C1orf105: variants seen among roughly 807,000 people sequenced by gnomAD.
C1orf105 encodes the protein uncharacterized protein C1orf105.
In C1orf105, 17 loss-of-function variants were observed where a neutral mutation model predicts 20.8. The observed-to-expected ratio is 0.82, with a 90% CI of 0.56 to 1.23. The LOEUF is 1.23. Ranked by LOEUF, C1orf105 falls within the 50% of genes most tolerant of loss-of-function variation. C1orf105 has a pLI of 0.00. For missense variants in C1orf105, 219 were observed against 213.5 expected, an observed-to-expected ratio of 1.03 and a Z score of -0.16; for synonymous variants, 72 against 72.1, an observed-to-expected ratio of 1.00 and a Z score of 0.01.
chr1:172,466,998 A>G (rs1573899908), intron 6 of C1orf105, among the ~76,000 whole-genome samples: 2 of 152,328 alleles, frequency 1.3e-5, no homozygotes, highest in Admixed American at 1.3e-4. Flanking sequence ...AGACCTCGGT[A>G]GGAATCCTAG....
intron 3 of C1orf105, among the ~76,000 whole-genome samples, chr1:172,451,571 A>G (rs146743290): frequency 6.6e-6 from 1 of 152,236 alleles, no homozygotes; most frequent in Admixed American, 6.5e-5. Context: ...ATGTTGATCT[A>G]GTGCATATAA....
intron 1 of C1orf105, chr1:172,442,362 C>T: frequency 6.2e-7 from 1 of 1,613,256 alleles, no homozygotes; most frequent in Non-Finnish European, 8.5e-7. Flanking sequence ...CCAGACCAGT[C>T]CCTAAAAGCC....
chr1:172,442,381 G>C (rs776080992), intron 1 of C1orf105: 1 of 1,613,350 alleles, frequency 6.2e-7, no homozygotes. Flanking sequence ...CCAATGGGGG[G>C]CCAGAAGACC....
At chr1:172,468,274 T>C (rs1400020752) in intron 6 of C1orf105, among the ~76,000 whole-genome samples, 175 bp from the exon 7 acceptor site, 1 of 152,244 alleles carries the variant, frequency 6.6e-6, no homozygotes, top group Non-Finnish European at 1.5e-5. Flanking sequence ...AGTTTTTTGT[T>C]CCATTTTCTT....
chr1:172,463,008 CT>C (rs1233115943), intron 5 of C1orf105, among the ~76,000 whole-genome samples: 1 of 152,152 alleles, frequency 6.6e-6, no homozygotes, highest in African/African-American at 2.4e-5. Flanking sequence ...AACTCCCCAC[CT>C]CTGGTGATCT....
chr1:172,460,124 GGTT>G (rs1050297173), intron 4 of C1orf105, among the ~76,000 whole-genome samples: 4 of 151,972 alleles, frequency 2.6e-5, no homozygotes, highest in African/African-American at 9.7e-5. Context: ...AAACAATGGT[GGTT>G]GTTTTACAAC....
intron 2 of C1orf105, among the ~76,000 whole-genome samples, chr1:172,447,896 G>A (rs369581110): frequency 2.0e-5 from 3 of 152,208 alleles, no homozygotes; most frequent in Non-Finnish European, 2.9e-5. Context: ...GAGACAGAGC[G>A]CAGGCAGGTC....
intron 1 of C1orf105, among the ~76,000 whole-genome samples, chr1:172,436,839 C>T (rs1250303920): frequency 6.6e-6 from 1 of 152,020 alleles, no homozygotes; most frequent in East Asian, 1.9e-4. Context: ...TGCAATCTAC[C>T]CATCTGACAG....
intron 1 of C1orf105, among the ~76,000 whole-genome samples, chr1:172,425,110 A>G (rs1427504434): frequency 6.6e-6 from 1 of 152,222 alleles, no homozygotes; most frequent in Admixed American, 6.5e-5. Flanking sequence ...AGGACAGAAG[A>G]CCTTAGGATC....
intron 5 of C1orf105, 65 bp from the exon 6 acceptor site, chr1:172,465,234 G>C (rs921992704): frequency 1.1e-5 from 9 of 812,016 alleles, no homozygotes; most frequent in Non-Finnish European, 1.5e-5. Context: ...AATGTATAAA[G>C]GCACATTTCT....
At chr1:172,426,858 C>T (rs1000696648) in intron 1 of C1orf105, among the ~76,000 whole-genome samples, 1 of 152,146 alleles carries the variant, frequency 6.6e-6, no homozygotes, top group Non-Finnish European at 1.5e-5. Context: ...GCATATATAC[C>T]TGTCTCCCTT....
intron 1 of C1orf105, chr1:172,442,102 G>C: frequency 6.2e-7 from 1 of 1,614,188 alleles, no homozygotes; most frequent in East Asian, 2.2e-5. Context: ...TAGTGTGCTG[G>C]ATACAATGGC....
intron 1 of C1orf105, among the ~76,000 whole-genome samples, chr1:172,430,809 T>C (rs1016673481): frequency 1.3e-5 from 2 of 152,234 alleles, no homozygotes; most frequent in African/African-American, 2.4e-5. Flanking sequence ...TCAGTGCCAT[T>C]GTTCCAATTG....
intron 2 of C1orf105, among the ~76,000 whole-genome samples, chr1:172,445,716 A>G (rs1440232838): frequency 6.6e-6 from 1 of 152,138 alleles, no homozygotes; most frequent in African/African-American, 2.4e-5. Flanking sequence ...TCCCTTCTCC[A>G]TTTTTGATGA....
intron 1 of C1orf105, among the ~76,000 whole-genome samples, chr1:172,430,139 C>A (rs1420883423): frequency 6.6e-6 from 1 of 152,194 alleles, no homozygotes; most frequent in Non-Finnish European, 1.5e-5. Context: ...CCCACACACA[C>A]CACAGTATTC....
At chr1:172,456,570 A>G (rs1649275008) in intron 4 of C1orf105, 81 bp downstream of exon 4, 5 of 1,402,266 alleles carry the variant, frequency 3.6e-6, no homozygotes, top group African/African-American at 1.4e-5. Context: ...CTGTGGGGAG[A>G]GATAGTGACG....
intron 1 of C1orf105, chr1:172,428,906 G>A: frequency 1.5e-6 from 1 of 649,488 alleles, no homozygotes; most frequent in South Asian, 1.7e-5. Context: ...GGTAGAAGGT[G>A]AGTAGAGGGA....
Position 172,421,004 on chromosome 1 carries a change from T to C in C1orf105, c.21+98T>C. On this transcript the variant is annotated intron_variant, in intron 1 of 6. Coordinates refer to ENST00000367727, the MANE Select transcript of C1orf105 (RefSeq NM_139240.4). Reference sequence around the variant, plus strand: ...GAGGCCACATAAACATTGAGGGGTGTTTCAACAGACATCCTAGAAGTTGAA... The same window carrying C: ...GAGGCCACATAAACATTGAGGGGTGCTTCAACAGACATCCTAGAAGTTGAA... The C allele has an allele frequency of 4.5e-6, 5 of 1,102,840 alleles. No individual in the cohort carries two copies. In the South Asian group the frequency reaches 7.1e-5, roughly 16 times the overall value. 68.3% of individuals were successfully genotyped at this position (1,102,840 alleles called of 1,614,324 possible).
At chr1:172,466,182 A>G (rs372314021) in intron 6 of C1orf105, among the ~76,000 whole-genome samples, 1 of 152,316 alleles carries the variant, frequency 6.6e-6, no homozygotes, top group East Asian at 1.9e-4. Context: ...AGGAAATTTG[A>G]GGATTGAAGG....
Sources: allele counts gnomAD v4.1 joint callset (sites outside exome capture counted in the v4.1 genomes callset), GRCh38; gene constraint gnomAD v4.1.1; transcripts MANE v1.5; gene names NCBI Gene and HGNC (gene_info 2026-07-23, HGNC 2026-07-21).